ARPP21: variants seen among roughly 807,000 people sequenced by gnomAD.
ARPP21 encodes the protein cAMP regulated phosphoprotein 21.
A neutral mutation model predicts 113.2 loss-of-function variants in ARPP21; 69 were observed. The ratio of observed to expected loss-of-function variants is 0.61; its 90% CI spans 0.50 to 0.74. ARPP21 has a LOEUF of 0.74. ARPP21 is among the 30% of genes least tolerant of loss of function. The pLI is 0.00. For synonymous variants in ARPP21, 368 were observed against 375.5 expected (o/e 0.98, Z 0.23); for missense variants, 1,070 against 1,037.4 (o/e 1.03, Z -0.43).
chr3:35,717,900 T>C (rs2092629570), intron 13 of ARPP21, among the ~76,000 whole-genome samples: 1 of 152,124 alleles, frequency 6.6e-6, no homozygotes, highest in African/African-American at 2.4e-5. Flanking sequence ...TTTTTAAAGT[T>C]CTATACTAGA....
chr3:35,717,717 T>A (rs2092605699), intron 13 of ARPP21, among the ~76,000 whole-genome samples: 1 of 152,126 alleles, frequency 6.6e-6, no homozygotes, highest in African/African-American at 2.4e-5. Context: ...GGAAAATAAA[T>A]CAATGATAGC....
At chr3:35,720,879 T>C (rs552691074) in intron 13 of ARPP21, among the ~76,000 whole-genome samples, 8 of 152,228 alleles carry the variant, frequency 5.3e-5, no homozygotes, top group Non-Finnish European at 1.2e-4. Flanking sequence ...GCTTTTTTTG[T>C]TATTTCCATT....
At chr3:35,650,127 T>C (rs578100056) in intron 1 of ARPP21, 1 of 152,192 alleles carries the variant, frequency 6.6e-6, no homozygotes, top group South Asian at 2.1e-4. Context: ...AGCAATAGAT[T>C]TTGACACCGT....
At chr3:35,773,274 A>G (rs2096261503) in intron 19 of ARPP21, among the ~76,000 whole-genome samples, 1 of 152,184 alleles carries the variant, frequency 6.6e-6, no homozygotes, top group Non-Finnish European at 1.5e-5. Flanking sequence ...TAAGGGTATT[A>G]CATGGCTTAA....
chr3:35,746,696 T>C (rs1205040575), intron 19 of ARPP21, among the ~76,000 whole-genome samples: 1 of 152,212 alleles, frequency 6.6e-6, no homozygotes, highest in Non-Finnish European at 1.5e-5. Flanking sequence ...GAGACAGAAT[T>C]ATGTCAGTTA....
chr3:35,686,023 T>C (rs2080453817), intron 5 of ARPP21: 1 of 156,580 alleles, frequency 6.4e-6, no homozygotes, highest in Non-Finnish European at 1.4e-5. Flanking sequence ...TTCTTTAGCC[T>C]CTGCTCATGC....
intron 5 of ARPP21, chr3:35,685,125 G>T: frequency 2.0e-6 from 2 of 985,474 alleles, no homozygotes; most frequent in Non-Finnish European, 2.4e-6. Flanking sequence ...CTAATGCCAG[G>T]CAGAGAAGGA....
intron 9 of ARPP21, among the ~76,000 whole-genome samples, chr3:35,691,784 G>T (rs1276658294): frequency 6.6e-6 from 1 of 151,440 alleles, no homozygotes; most frequent in Non-Finnish European, 1.5e-5. Flanking sequence ...ATAACAAAAG[G>T]CATGTTAAAC....
At chr3:35,746,540 C>T (rs2095064924) in intron 19 of ARPP21, among the ~76,000 whole-genome samples, 1 of 152,168 alleles carries the variant, frequency 6.6e-6, no homozygotes, top group South Asian at 2.1e-4. Context: ...CAGCATGTCA[C>T]CCTCCCACAG....
At chr3:35,751,723 C>G (rs2095410634) in intron 19 of ARPP21, among the ~76,000 whole-genome samples, 1 of 152,084 alleles carries the variant, frequency 6.6e-6, no homozygotes. Context: ...AGGCCAGTCT[C>G]TGGTCCAATG....
In ARPP21 at chr3:35,747,186, A is replaced by G. The variant is rs148522476; in HGVS notation, c.2137+3221A>G. Among the ~76,000 whole-genome samples, 98 of 152,154 alleles carry G rather than the reference A, an allele frequency of 6.4e-4. 1 individual carries two copies. The highest frequency in any genetic ancestry group is 2.3e-3 in the African/African-American group (95 of 41,520). On this transcript the variant is annotated intron_variant, in intron 19 of 20. Transcript: ENST00000684406. Reference sequence around the variant, plus strand: ...ACCAACAGGGTGAAACCCCGTCTCTACTAAAAAATATATAAAAATTAGCTG... The same window carrying G: ...ACCAACAGGGTGAAACCCCGTCTCTGCTAAAAAATATATAAAAATTAGCTG...
intron 5 of ARPP21, chr3:35,684,525 A>G: frequency 1.0e-6 from 1 of 985,636 alleles, no homozygotes; most frequent in South Asian, 4.7e-5. Flanking sequence ...TTCAGGCATC[A>G]TATTAGCTTT....
chr3:35,719,277 T>C (rs1273770669), intron 13 of ARPP21, among the ~76,000 whole-genome samples: 2 of 152,186 alleles, frequency 1.3e-5, no homozygotes, highest in Non-Finnish European at 2.9e-5. Context: ...AATGTATAAA[T>C]ACCTAGGAAT....
intron 1 of ARPP21, among the ~76,000 whole-genome samples, chr3:35,650,767 G>C (rs1458454136): frequency 6.6e-6 from 1 of 152,172 alleles, no homozygotes; most frequent in East Asian, 1.9e-4. Context: ...GTATGAGCCA[G>C]TCATATTCTC....
At chr3:35,751,549 T>C (rs2095406009) in intron 19 of ARPP21, among the ~76,000 whole-genome samples, 1 of 152,154 alleles carries the variant, frequency 6.6e-6, no homozygotes, top group African/African-American at 2.4e-5. Context: ...GTCTTTGGAA[T>C]TTTTTGGAAT....
At chr3:35,662,706 G>C (rs1239131734) in intron 1 of ARPP21, among the ~76,000 whole-genome samples, 1 of 152,224 alleles carries the variant, frequency 6.6e-6, no homozygotes, top group African/African-American at 2.4e-5. Context: ...CTAGGAAAGA[G>C]TGTGCTTGAG....
At chr3:35,639,443 A>T (rs927315328), upstream of ARPP21, 8 of 152,100 alleles carry the variant, frequency 5.3e-5, no homozygotes, top group African/African-American at 1.9e-4. This position sits in a 1 kb window ranked among gnomAD's most constrained non-coding sequence, Gnocchi z 5.0. Context: ...GACCGGACGC[A>T]TCCGGAGCTG....
intron 19 of ARPP21, among the ~76,000 whole-genome samples, chr3:35,776,510 T>C (rs749122085): frequency 6.6e-6 from 1 of 152,074 alleles, no homozygotes; most frequent in Non-Finnish European, 1.5e-5. Flanking sequence ...CCAGAAAAAG[T>C]TGGAAAGGTA....
At chr3:35,736,818 T>A (rs547205799) in intron 15 of ARPP21, among the ~76,000 whole-genome samples, 10 of 152,318 alleles carry the variant, frequency 6.6e-5, no homozygotes, top group African/African-American at 1.7e-4. Context: ...GTGTATGTTA[T>A]CTCACTAATG....
Sources: gnomAD v4.1 joint callset for allele counts (sites outside exome capture counted in the v4.1 genomes callset) on GRCh38, gnomAD v4.1.1 for gene constraint, Gnocchi (gnomAD v3.1) non-coding constraint, MANE v1.5 for transcripts, NCBI Gene and HGNC (gene_info 2026-07-23, HGNC 2026-07-21) for gene names.